The following ACAT1 variants were observed in gnomAD, a reference collection of about 807,000 sequenced individuals.
The protein encoded by ACAT1 is acetyl-CoA acetyltransferase, mitochondrial.
In ACAT1, 28 loss-of-function variants were observed where a neutral mutation model predicts 47.3. That is an observed-to-expected ratio of 0.59 (90% CI 0.44 to 0.81). The LOEUF is 0.81. ACAT1 is among the 30% of genes least tolerant of loss of function. ACAT1 has a pLI of 0.00. For synonymous variants in ACAT1, 181 were observed against 173.6 expected (o/e 1.04, Z -0.34); for missense variants, 469 against 524.3 (o/e 0.89, Z 1.03).
At chr11:108,142,628 G>A (rs544514364) in intron 9 of ACAT1, 78 bp downstream of exon 9, 65 of 1,228,978 alleles carry the variant, frequency 5.3e-5, no homozygotes, top group Non-Finnish European at 6.5e-5. Flanking sequence ...CTTGAGCCCC[G>A]GAGTTCGAAA....
intron 7 of ACAT1, 112 bp downstream of exon 7, chr11:108,140,327 A>G (rs1330378995): frequency 7.7e-7 from 1 of 1,299,148 alleles, no homozygotes; most frequent in Non-Finnish European, 1.1e-6. Flanking sequence ...CTTATGGTTA[A>G]TAAAAAGTGA....
At chr11:108,143,771 A>C (rs2134778984) in intron 9 of ACAT1, 2 of 363,988 alleles carry the variant, frequency 5.5e-6, no homozygotes, top group South Asian at 7.2e-5. Context: ...CTAGAGGCAA[A>C]TACCCCCAAA....
Position 108,133,842 on chromosome 11 carries a change from C to T in ACAT1, c.143C>T (p.Thr48Ile), listed in dbSNP as rs1256473133. 6.2e-7 allele frequency: 1 copy of T among 1,613,990 alleles called. No individual in the cohort carries two copies. Among genetic ancestry groups the T allele is most frequent in the Non-Finnish European group, 8.5e-7 (1 of 1,179,948 alleles). ...TLKEVVIVSA[T>I]RTPIGSFLGS... Reference sequence around the variant, plus strand: ...CAGGAAGTGGTCATAGTAAGTGCTACAAGAACACCCATTGGATCTTTTTTA... The same window carrying T: ...CAGGAAGTGGTCATAGTAAGTGCTATAAGAACACCCATTGGATCTTTTTTA... The change falls in exon 3 of 12, where the codon ACA (threonine) becomes ATA (isoleucine). Residue 48 changes from threonine (T) to isoleucine (I), a missense_variant. Thr to Ile is a moderately conservative substitution (Grantham distance 89). Coordinates refer to ENST00000265838, the MANE Select transcript of ACAT1 (RefSeq NM_000019.4).
upstream of ACAT1, among the ~76,000 whole-genome samples, chr11:108,119,660 TCTCACA>T (rs1565280009): frequency 4.0e-5 from 6 of 151,578 alleles, no homozygotes; most frequent in South Asian, 8.3e-4. Context: ...TCTCTCTCTC[TCTCACA>T]CACACACACA....
intron 6 of ACAT1, 37 bp downstream of exon 6, chr11:108,139,078 G>A (rs1293859946): frequency 1.9e-6 from 3 of 1,610,636 alleles, no homozygotes; most frequent in Admixed American, 1.7e-5. Context: ...GCTATCTAAT[G>A]TCCAATACTG....
chr11:108,117,204 T>C (rs1864967351), upstream of ACAT1, among the ~76,000 whole-genome samples: 1 of 151,858 alleles, frequency 6.6e-6, no homozygotes, highest in African/African-American at 2.4e-5. Context: ...CTTAGCTACT[T>C]GGAAGGCTGA....
chr11:108,124,850 A>T (rs994488073), intron 1 of ACAT1, among the ~76,000 whole-genome samples: 1 of 152,028 alleles, frequency 6.6e-6, no homozygotes, highest in African/African-American at 2.4e-5. Context: ...GATGCCTCAA[A>T]TGTTCTTTTC....
chr11:108,145,014 AAG>A (rs2077675710), intron 10 of ACAT1, among the ~76,000 whole-genome samples: 1 of 152,174 alleles, frequency 6.6e-6, no homozygotes, highest in African/African-American at 2.4e-5. Flanking sequence ...CCACTAGTAG[AAG>A]AGAGGAAGAT....
chr11:108,137,952 T>G (rs1183181965), intron 5 of ACAT1, among the ~76,000 whole-genome samples: 2 of 151,264 alleles, frequency 1.3e-5, no homozygotes, highest in East Asian at 3.9e-4. Context: ...TAAAAGAAAA[T>G]TTAAGAATTT....
rs1336705723 is a variant in ACAT1 at position 108,134,324 on chromosome 11, G to A, written c.334+8G>A. The A allele has an allele frequency of 6.2e-7, 1 of 1,611,882 alleles. No homozygotes were observed. The highest frequency in any genetic ancestry group is 1.3e-5 in the African/African-American group (1 of 74,972). ...AGGCAGTATTGGGTGCAGGTACCTG[G>A]AAGACTTTTTTGCTTTTATACTTAA... is the stretch of plus-strand genomic sequence containing the variant. On this transcript the variant is annotated splice_region_variant and intron_variant, in intron 4 of 11. Coordinates refer to ENST00000265838, the MANE Select transcript of ACAT1 (RefSeq NM_000019.4).
At chr11:108,126,755 T>A (rs2135304452) in intron 1 of ACAT1, among the ~76,000 whole-genome samples, 1 of 151,838 alleles carries the variant, frequency 6.6e-6, no homozygotes, top group South Asian at 2.1e-4. Flanking sequence ...TGATTTTGGC[T>A]TGAGCACCTG....
At chr11:108,129,793 G>A (rs2135317159) in intron 1 of ACAT1, among the ~76,000 whole-genome samples, 1 of 152,246 alleles carries the variant, frequency 6.6e-6, no homozygotes, top group Middle Eastern at 3.4e-3. Flanking sequence ...GATACAATGG[G>A]CAAGCACTAG....
At chr11:108,118,996 C>G (rs1199353187), upstream of ACAT1, among the ~76,000 whole-genome samples, 1 of 152,156 alleles carries the variant, frequency 6.6e-6, no homozygotes, top group Non-Finnish European at 1.5e-5. Flanking sequence ...TAGTGAGTGC[C>G]TAGAAGCCTA....
chr11:108,141,363 C>T (rs2077580804), intron 7 of ACAT1, among the ~76,000 whole-genome samples: 1 of 82,182 alleles, frequency 1.2e-5, no homozygotes, highest in African/African-American at 4.6e-5. Flanking sequence ...GAGGGAAACC[C>T]TGCCTCAAAA....
chr11:108,126,885 C>T (rs540256470), intron 1 of ACAT1, among the ~76,000 whole-genome samples: 19 of 151,518 alleles, frequency 1.3e-4, no homozygotes, highest in South Asian at 8.4e-4. Flanking sequence ...CTCCACCTCC[C>T]GGGTTTAAGC....
chr11:108,146,096 C>A, intron 10 of ACAT1, 106 bp from the exon 11 acceptor site: 1 of 1,053,392 alleles, frequency 9.5e-7, no homozygotes, highest in Non-Finnish European at 1.4e-6. Context: ...CCAAGAACTT[C>A]CATATTTAAA....
chr11:108,144,101 T>C (rs1368430500), intron 10 of ACAT1, 54 bp downstream of exon 10: 5 of 1,595,774 alleles, frequency 3.1e-6, no homozygotes, highest in Non-Finnish European at 4.3e-6. Context: ...GGTTTGCTTA[T>C]ACCAAGGTTG....
At position 108,147,287 on chromosome 11, in the gene ACAT1, TTGTTGGTCATTTGA is replaced by T; in HGVS notation, c.1182_1195del (p.Val395SerfsTer60). The stretch of plus-strand genomic sequence containing the variant: ...AATTTTAGGATGTCTGGAGCCAGGA[TTGTTGGTCATTTGA>T]CTCATGCCTTGAAGCAAGGAGAATA... On this transcript the variant is annotated frameshift_variant, in exon 12 of 12. Coordinates refer to ENST00000265838, the MANE Select transcript of ACAT1 (RefSeq NM_000019.4). LOFTEE classifies it high-confidence loss of function. 2 of 1,613,882 alleles carry T rather than the reference TTGTTGGTCATTTGA, an allele frequency of 1.2e-6. No homozygotes were observed. The highest frequency in any genetic ancestry group is 2.7e-5 in the African/African-American group (2 of 75,036).
chr11:108,135,021 A>T, intron 4 of ACAT1, 121 bp from the exon 5 acceptor site: 1 of 674,776 alleles, frequency 1.5e-6, no homozygotes, highest in Non-Finnish European at 2.6e-6. Context: ...TATTAAATGC[A>T]TGATATAATT....
Sources: gnomAD v4.1 joint callset for allele counts (sites outside exome capture counted in the v4.1 genomes callset) on GRCh38, gnomAD v4.1.1 for gene constraint, MANE v1.5 for transcripts, NCBI Gene and HGNC (gene_info 2026-07-23, HGNC 2026-07-21) for gene names.